Variants in BRIP1 observed in about 807,000 individuals in gnomAD.
BRIP1 encodes the protein Fanconi anemia group J protein.
In BRIP1, 88 loss-of-function variants were observed where a neutral mutation model predicts 119.7. The observed-to-expected ratio is 0.74, with a 90% CI of 0.62 to 0.88. The LOEUF is 0.88. BRIP1 is among the 40% of genes least tolerant of loss of function. The probability of loss-of-function intolerance (pLI) is 0.00; values close to 1 mark genes in which losing one functional copy is unlikely to be tolerated. For synonymous variants in BRIP1, 443 were observed against 496.5 expected, an observed-to-expected ratio of 0.89 and a Z score of 1.43; for missense variants, 1,259 against 1,455.4, an observed-to-expected ratio of 0.87 and a Z score of 2.20.
In BRIP1 at chr17:61,807,556, A is replaced by G. The variant is rs1279846868; in HGVS notation, c.918+911T>C. On this transcript the variant is annotated intron_variant, in intron 7 of 19. Transcript: ENST00000259008. This position sits in a 1 kb window ranked among gnomAD's most constrained non-coding sequence, Gnocchi z 4.5. ...ATTAAGGAAGAAAAGCATAAAACAA[A>G]ATAATTCACATTATATGGTAGGGGG... Among the ~76,000 whole-genome samples the G allele has an allele frequency of 1.3e-5, 2 of 152,168 alleles. No individual in the cohort carries two copies. The highest frequency in any genetic ancestry group is 4.8e-5 in the African/African-American group (2 of 41,444).
At chr17:61,847,939 C>T (rs1013072026) in intron 5 of BRIP1, among the ~76,000 whole-genome samples, 5 of 152,120 alleles carry the variant, frequency 3.3e-5, no homozygotes, top group African/African-American at 1.2e-4. Flanking sequence ...TCTATGAATA[C>T]ATTTTGTCGG....
At chr17:61,777,512 T>C (rs979041992) in intron 13 of BRIP1, among the ~76,000 whole-genome samples, 26 of 152,302 alleles carry the variant, frequency 1.7e-4, no homozygotes, top group Admixed American at 1.6e-3. Context: ...ACAGTTGTTT[T>C]TACTTGCACT....
chr17:61,852,591 C>A lies in BRIP1; in HGVS notation c.380-3335G>T, dbSNP rs1299586224. Among the ~76,000 whole-genome samples the A allele has an allele frequency of 3.9e-5, 6 of 152,120 alleles. No homozygotes were observed. Among genetic ancestry groups the A allele is most frequent in the Non-Finnish European group, 8.8e-5 (6 of 68,012 alleles). On this transcript the variant is annotated intron_variant, in intron 4 of 19. Coordinates refer to ENST00000259008, the MANE Select transcript of BRIP1 (RefSeq NM_032043.3). This position sits in a 1 kb window ranked among gnomAD's most constrained non-coding sequence, Gnocchi z 4.9. ...GTTGAAGCAGGAGAATTGCTTGAGC[C>A]TGGGAGCTGGCCAGTGCAGTGAGTT...
intron 18 of BRIP1, among the ~76,000 whole-genome samples, chr17:61,688,787 C>T (rs1483536000): frequency 6.8e-6 from 1 of 146,400 alleles, no homozygotes; most frequent in African/African-American, 2.5e-5. Context: ...AATTACCTGG[C>T]AAGGAATTTA....
rs1483560007 is a variant in BRIP1 at position 61,700,150 on chromosome 17, C to T, written c.2493-6638G>A. ...CTGAACCTGAAGGTGGTCTTGGCAA[C>T]CCACAAGACAATCACCACAGATTTA... On this transcript the variant is annotated intron_variant, in intron 17 of 19. Coordinates refer to ENST00000259008, the MANE Select transcript of BRIP1 (RefSeq NM_032043.3). The surrounding 1 kb of genome is among the most constrained non-coding windows in gnomAD (Gnocchi z 4.1). Among the ~76,000 whole-genome samples, 1 of 152,132 alleles carries T rather than the reference C, an allele frequency of 6.6e-6. No homozygotes were observed. Among genetic ancestry groups the T allele is most frequent in the East Asian group, 1.9e-4 (1 of 5,198 alleles).
At position 61,842,081 on chromosome 17, in the gene BRIP1, T is replaced by C. The variant is rs184364621; in HGVS notation, c.627+5020A>G. Among the ~76,000 whole-genome samples, 15 of 152,296 alleles carry C rather than the reference T, an allele frequency of 9.8e-5. No individual in the cohort carries two copies. The East Asian group carries it at 1.9e-3, about 20-fold the overall frequency. On this transcript the variant is annotated intron_variant, in intron 6 of 19. Transcript: ENST00000259008. The surrounding 1 kb of genome is among the most constrained non-coding windows in gnomAD (Gnocchi z 5.1). Reference sequence around the variant, plus strand: ...ATGGATAAAGAAAATGTGACACATATACACAATGGAATATTATTCAGCCAT... The same window carrying C: ...ATGGATAAAGAAAATGTGACACATACACACAATGGAATATTATTCAGCCAT...
chr17:61,821,788 G>A (rs915671044), intron 6 of BRIP1, among the ~76,000 whole-genome samples: 9 of 152,086 alleles, frequency 5.9e-5, no homozygotes, highest in Admixed American at 1.3e-4. Context: ...GCACAATTAT[G>A]ACTCACTTCA....
Position 61,705,400 on chromosome 17 carries a change from ACACAGCTG to A in BRIP1, c.2492+10543_2492+10550del, listed in dbSNP as rs1603287685. Among the ~76,000 whole-genome samples the A allele has an allele frequency of 1.3e-5, 2 of 152,274 alleles. No individual in the cohort carries two copies. Among genetic ancestry groups the A allele is most frequent in the East Asian group, 3.9e-4 (2 of 5,182 alleles). On this transcript the variant is annotated intron_variant, in intron 17 of 19. Coordinates refer to ENST00000259008, the MANE Select transcript of BRIP1 (RefSeq NM_032043.3). The surrounding 1 kb of genome is among the most constrained non-coding windows in gnomAD (Gnocchi z 5.0). ...TTTTGTGAATTGTGCTGTGATGAAC[ACACAGCTG>A]CATGTGTCTTTTTGGCAGAATGATT... is the stretch of plus-strand genomic sequence containing the variant.
intron 6 of BRIP1, among the ~76,000 whole-genome samples, chr17:61,812,691 T>A (rs2078181031): frequency 6.6e-6 from 1 of 151,896 alleles, no homozygotes; most frequent in African/African-American, 2.4e-5. Context: ...ACATTTCAAA[T>A]CTACAATTAT....
chr17:61,754,614 C>G lies in BRIP1; in HGVS notation c.2098-10023G>C, dbSNP rs1209476818. Among the ~76,000 whole-genome samples, 1 of 152,078 alleles carries G rather than the reference C, an allele frequency of 6.6e-6. No homozygotes were observed. Among genetic ancestry groups the G allele is most frequent in the African/African-American group, 2.4e-5 (1 of 41,400 alleles). The stretch of plus-strand genomic sequence containing the variant: ...TTAAACAAAAGAAATTTATTTCTTA[C>G]AGTTATTAGTTTAAGCCACAGATTG... On this transcript the variant is annotated intron_variant, in intron 14 of 19. Transcript: ENST00000259008. The surrounding 1 kb of genome is among the most constrained non-coding windows in gnomAD (Gnocchi z 4.1).
chr17:61,814,253 T>C lies in BRIP1; in HGVS notation c.628-5496A>G, dbSNP rs906685959. Among the ~76,000 whole-genome samples the C allele has an allele frequency of 6.6e-6, 1 of 151,984 alleles. No individual in the cohort carries two copies. Among genetic ancestry groups the C allele is most frequent in the South Asian group, 2.1e-4 (1 of 4,830 alleles). ...ACAAATGAGTGAAAACACAGCTTCATTAACATGTTAAACTTCTATTTAAAG... is the reference window on the plus strand; with the variant it reads ...ACAAATGAGTGAAAACACAGCTTCACTAACATGTTAAACTTCTATTTAAAG... On this transcript the variant is annotated intron_variant, in intron 6 of 19. Coordinates refer to ENST00000259008, the MANE Select transcript of BRIP1 (RefSeq NM_032043.3). This position sits in a 1 kb window ranked among gnomAD's most constrained non-coding sequence, Gnocchi z 4.9.
rs1016086879 is a variant in BRIP1 at position 61,768,096 on chromosome 17, C to T, written c.2097+8305G>A. Among the ~76,000 whole-genome samples the T allele has an allele frequency of 2.0e-5, 3 of 152,170 alleles. No homozygotes were observed. The highest frequency in any genetic ancestry group is 7.2e-5 in the African/African-American group (3 of 41,446). Reference sequence around the variant, plus strand: ...TTTATACCACAACCCAAACTGAAATCTTCTTGAAGAGACAGTAACTTGTTT... The same window carrying T: ...TTTATACCACAACCCAAACTGAAATTTTCTTGAAGAGACAGTAACTTGTTT... On this transcript the variant is annotated intron_variant, in intron 14 of 19. Coordinates refer to ENST00000259008, the MANE Select transcript of BRIP1 (RefSeq NM_032043.3). This position sits in a 1 kb window ranked among gnomAD's most constrained non-coding sequence, Gnocchi z 5.0.
At chr17:61,763,887 C>T (rs1427352460) in intron 14 of BRIP1, among the ~76,000 whole-genome samples, 2 of 152,022 alleles carry the variant, frequency 1.3e-5, no homozygotes, top group Non-Finnish European at 2.9e-5. Flanking sequence ...CAGCATTTCT[C>T]TATGAACATA....
intron 16 of BRIP1, among the ~76,000 whole-genome samples, chr17:61,733,460 G>A (rs1011160475): frequency 1.3e-5 from 2 of 152,080 alleles, no homozygotes; most frequent in African/African-American, 4.8e-5. Context: ...TATTAATGCT[G>A]TTATCCTTTA....
chr17:61,821,864 T>C (rs543186275), intron 6 of BRIP1, among the ~76,000 whole-genome samples: 1 of 152,300 alleles, frequency 6.6e-6, no homozygotes, highest in Admixed American at 6.5e-5. Context: ...TAGCTGGGGC[T>C]ACAGGTGAAT....
Position 61,780,589 on chromosome 17 carries a change from A to C in BRIP1, c.1795-188T>G, listed in dbSNP as rs1306852870. On this transcript the variant is annotated intron_variant, in intron 12 of 19. Coordinates refer to ENST00000259008, the MANE Select transcript of BRIP1 (RefSeq NM_032043.3). This position sits in a 1 kb window ranked among gnomAD's most constrained non-coding sequence, Gnocchi z 5.4. ...CAAAAAATACAAAAATTAGCCGGGC[A>C]TGGTGACACATGCCTATAGTCCCAG... Among the ~76,000 whole-genome samples the C allele has an allele frequency of 3.9e-5, 6 of 152,050 alleles. No homozygotes were observed. Among genetic ancestry groups the C allele is most frequent in the African/African-American group, 1.4e-4 (6 of 41,412 alleles).
rs568933722 is a variant in BRIP1 at position 61,816,910 on chromosome 17, A to C, written c.628-8153T>G. ...GCAACTTTCCTGTACTAACTGATTC[A>C]GGCAAGTTACATAAATGGATGCTGA... On this transcript the variant is annotated intron_variant, in intron 6 of 19. Transcript: ENST00000259008. This position sits in a 1 kb window ranked among gnomAD's most constrained non-coding sequence, Gnocchi z 5.0. Among the ~76,000 whole-genome samples the C allele has an allele frequency of 1.3e-5, 2 of 152,350 alleles. No homozygotes were observed. Among genetic ancestry groups the C allele is most frequent in the African/African-American group, 2.4e-5 (1 of 41,594 alleles).
chr17:61,808,498 T>C lies in BRIP1; in HGVS notation c.887A>G (p.Glu296Gly), dbSNP rs878855158. 6.8e-6 allele frequency: 11 copies of C among 1,613,712 alleles called. No individual in the cohort carries two copies. The African/African-American group carries it at 1.5e-4, about 22-fold the overall frequency. ...PEVVGNFNRN[E>G]KCMELLDGKN... ...CCCATCTAGCAATTCCATGCACTTC[T>C]CATTTCTGTTGAAGTTACCGACTAC... The change falls in exon 7 of 20, where the codon GAG (glutamate) becomes GGG (glycine). Residue 296 changes from glutamate (E) to glycine (G), a missense_variant. Physicochemically the swap from Glu to Gly is moderately conservative, Grantham distance 98 (BLOSUM62 -2). Transcript: ENST00000259008. The surrounding 1 kb of genome is among the most constrained non-coding windows in gnomAD (Gnocchi z 4.1).
chr17:61,758,037 A>G lies in BRIP1; in HGVS notation c.2098-13446T>C, dbSNP rs1253876857. Among the ~76,000 whole-genome samples the G allele has an allele frequency of 6.6e-6, 1 of 152,098 alleles. No individual in the cohort carries two copies. The highest frequency in any genetic ancestry group is 1.5e-5 in the Non-Finnish European group (1 of 67,990). On this transcript the variant is annotated intron_variant, in intron 14 of 19. Transcript: ENST00000259008. The surrounding 1 kb of genome is among the most constrained non-coding windows in gnomAD (Gnocchi z 5.3). ...AAAGAAAAGAAAACAATAAGAACTC[A>G]ATACTATGTTATGTATGGAACAAAT...
Sources: gnomAD v4.1 joint callset for allele counts (sites outside exome capture counted in the v4.1 genomes callset) on GRCh38, gnomAD v4.1.1 for gene constraint, Gnocchi (gnomAD v3.1) non-coding constraint, MANE v1.5 for transcripts, NCBI Gene and HGNC (gene_info 2026-07-23, HGNC 2026-07-21) for gene names.